Variants in RNF216 observed in about 807,000 individuals in gnomAD.
RNF216 encodes the protein E3 ubiquitin-protein ligase RNF216.
RNF216 carries 72 observed loss-of-function variants against 110.8 expected under a neutral mutation model. The observed-to-expected ratio is 0.65, with a 90% confidence interval of 0.54 to 0.79. The LOEUF (loss-of-function observed/expected upper bound fraction) is 0.79. Ranked by LOEUF, RNF216 falls within the 30% of genes least tolerant of loss-of-function variation. The pLI is 0.00. For synonymous variants in RNF216, 495 were observed against 407.5 expected, an observed-to-expected ratio of 1.21 and a Z score of -2.59; for missense variants, 1,342 against 1,141.2, an observed-to-expected ratio of 1.18 and a Z score of -2.54.
chr7:5,781,219 C>T (rs1189327826), intron 1 of RNF216, among the ~76,000 whole-genome samples: 7 of 152,148 alleles, frequency 4.6e-5, no homozygotes, highest in Admixed American at 3.3e-4. Context: ...GGGAGGGAAG[C>T]GCGGTCTCCC....
At chr7:5,773,246 AT>A (rs762663731) in intron 1 of RNF216, among the ~76,000 whole-genome samples, 145 of 144,352 alleles carry the variant, frequency 1.0e-3, no homozygotes, top group Admixed American at 1.0e-3. Context: ...CCCAAATAAG[AT>A]TTTTTTTTTT....
chr7:5,716,853 C>A lies in RNF216; in HGVS notation c.1645-87G>T. Reference sequence around the variant, plus strand: ...AGTATTTATTTCCATAAACATAACTCCAGTATTGCGATCTCTTCAATTACA... The same window carrying A: ...AGTATTTATTTCCATAAACATAACTACAGTATTGCGATCTCTTCAATTACA... On this transcript the variant is annotated intron_variant, in intron 9 of 16. Coordinates refer to ENST00000389902, the MANE Select transcript of RNF216 (RefSeq NM_207111.4). The A allele has an allele frequency of 6.8e-6, 7 of 1,028,032 alleles. No homozygotes were observed. In the South Asian group the frequency reaches 1.0e-4, roughly 15 times the overall value. 63.7% of individuals were successfully genotyped at this position (1,028,032 alleles called of 1,614,324 possible).
intron 1 of RNF216, among the ~76,000 whole-genome samples, chr7:5,769,724 A>C (rs957100354): frequency 1.3e-5 from 2 of 151,004 alleles, no homozygotes; most frequent in Non-Finnish European, 1.5e-5. Context: ...CTGTCTCAAA[A>C]AAAAGAAAAA....
chr7:5,626,412 T>TAA (rs746722830), intron 15 of RNF216, among the ~76,000 whole-genome samples: 20 of 105,894 alleles, frequency 1.9e-4, no homozygotes, highest in African/African-American at 5.4e-4. Context: ...GAAAAAAGAC[T>TAA]AAAAAAAAAA....
intron 13 of RNF216, among the ~76,000 whole-genome samples, chr7:5,705,826 G>C (rs1467801219): frequency 1.3e-5 from 2 of 151,956 alleles, no homozygotes; most frequent in East Asian, 3.9e-4. Flanking sequence ...AGAATTGCTT[G>C]AACCTGGGAG....
intron 13 of RNF216, among the ~76,000 whole-genome samples, chr7:5,657,975 T>A (rs768876902): frequency 6.6e-6 from 1 of 152,040 alleles, no homozygotes. Context: ...CCTCAAGGAG[T>A]GCACTCTACT....
chr7:5,760,463 T>C, intron 2 of RNF216: 1 of 379,128 alleles, frequency 2.6e-6, no homozygotes, highest in Non-Finnish European at 5.4e-6. Flanking sequence ...TCGTGGTGAG[T>C]CGAGATTACG....
chr7:5,750,879 C>T (rs1041559700), intron 3 of RNF216, among the ~76,000 whole-genome samples: 2 of 152,182 alleles, frequency 1.3e-5, no homozygotes, highest in Non-Finnish European at 2.9e-5. Flanking sequence ...TCATGGGATG[C>T]GAGATTACCT....
intron 13 of RNF216, among the ~76,000 whole-genome samples, chr7:5,704,639 G>A (rs1044158234): frequency 6.6e-6 from 1 of 152,108 alleles, no homozygotes; most frequent in African/African-American, 2.4e-5. Flanking sequence ...TTTCCTCATG[G>A]AGCATCTGTG....
chr7:5,720,007 G>A (rs1036162741), intron 9 of RNF216, among the ~76,000 whole-genome samples: 1 of 152,206 alleles, frequency 6.6e-6, no homozygotes, highest in African/African-American at 2.4e-5. Context: ...CTTTATCAAA[G>A]ACATTTTCAG....
intron 13 of RNF216, among the ~76,000 whole-genome samples, chr7:5,668,224 CTT>C (rs10693387): frequency 1.0e-4 from 14 of 139,800 alleles, no homozygotes; most frequent in Non-Finnish European, 1.1e-4. Flanking sequence ...GCAAAGCGGA[CTT>C]TTTTTTTTTT....
At chr7:5,678,320 T>C (rs1272338228) in intron 13 of RNF216, among the ~76,000 whole-genome samples, 3 of 152,228 alleles carry the variant, frequency 2.0e-5, no homozygotes, top group East Asian at 3.8e-4. Context: ...GCTTCTGCAA[T>C]GTCAATATAT....
chr7:5,670,909 G>A (rs760333116), intron 13 of RNF216, among the ~76,000 whole-genome samples: 6 of 152,176 alleles, frequency 3.9e-5, no homozygotes, highest in Non-Finnish European at 5.9e-5. Flanking sequence ...AGGACTCAAG[G>A]TCTTCCCAAG....
chr7:5,780,610 C>T (rs1222959670), intron 1 of RNF216, among the ~76,000 whole-genome samples: 2 of 151,812 alleles, frequency 1.3e-5, no homozygotes, highest in Non-Finnish European at 1.5e-5. Flanking sequence ...GAGGCTGAGG[C>T]AGGAAAATCG....
chr7:5,702,596 C>A (rs927578380), intron 13 of RNF216, among the ~76,000 whole-genome samples: 2 of 152,148 alleles, frequency 1.3e-5, no homozygotes, highest in Non-Finnish European at 2.9e-5. Flanking sequence ...ATCTAACAAA[C>A]ACATCTACTC....
chr7:5,626,498 C>G (rs1187987210), intron 15 of RNF216, among the ~76,000 whole-genome samples: 7 of 151,948 alleles, frequency 4.6e-5, no homozygotes, highest in Admixed American at 6.6e-5. Context: ...GGGAGGATCA[C>G]TTGGGCCCAG....
intron 8 of RNF216, among the ~76,000 whole-genome samples, chr7:5,725,050 A>G (rs1007103665): frequency 1.3e-5 from 2 of 152,212 alleles, no homozygotes; most frequent in African/African-American, 4.8e-5. Context: ...CAAGCTTAAC[A>G]GCACACTCAA....
At chr7:5,773,620 T>C (rs1042880868) in intron 1 of RNF216, among the ~76,000 whole-genome samples, 1 of 152,144 alleles carries the variant, frequency 6.6e-6, no homozygotes, top group African/African-American at 2.4e-5. Context: ...CAGGCTGGAG[T>C]GCAGTGGCAC....
intron 14 of RNF216, among the ~76,000 whole-genome samples, chr7:5,647,328 CTTTTTTTT>C (rs10617479): frequency 6.3e-5 from 6 of 94,814 alleles, no homozygotes; most frequent in African/African-American, 1.5e-4. Flanking sequence ...TTCTTTCTTT[CTTTTTTTT>C]TTTTTTTTTT....
Sources: gnomAD v4.1 joint callset for allele counts (sites outside exome capture counted in the v4.1 genomes callset) on GRCh38, gnomAD v4.1.1 for gene constraint, MANE v1.5 for transcripts, NCBI Gene and HGNC (gene_info 2026-07-23, HGNC 2026-07-21) for gene names.